The following DNER variants were observed in gnomAD, a reference collection of about 807,000 sequenced individuals.
DNER encodes delta and Notch-like epidermal growth factor-related receptor.
DNER carries 33 observed loss-of-function variants against 78.2 expected under a neutral mutation model. That is an observed-to-expected ratio of 0.42 (90% CI 0.32 to 0.56). The LOEUF (loss-of-function observed/expected upper bound fraction) is 0.56. DNER is among the 20% of genes least tolerant of loss of function. DNER has a pLI of 0.11. For synonymous variants in DNER, 417 were observed against 384.8 expected, an observed-to-expected ratio of 1.08 and a Z score of -0.98; for missense variants, 918 against 975.3, an observed-to-expected ratio of 0.94 and a Z score of 0.78.
At chr2:229,605,056 A>AT (rs945032200) in intron 1 of DNER, among the ~76,000 whole-genome samples, 26 of 151,626 alleles carry the variant, frequency 1.7e-4, no homozygotes, top group African/African-American at 5.1e-4. Flanking sequence ...GGGTTGTTTT[A>AT]TTTTTTTTTC....
At chr2:229,396,597 A>G (rs2106339683) in intron 10 of DNER, among the ~76,000 whole-genome samples, 1 of 152,334 alleles carries the variant, frequency 6.6e-6, no homozygotes, top group Middle Eastern at 3.4e-3. Flanking sequence ...GGTAAAAGTT[A>G]CCAATGGAAC....
At chr2:229,378,513 G>C (rs1692660199) in intron 11 of DNER, among the ~76,000 whole-genome samples, 1 of 152,184 alleles carries the variant, frequency 6.6e-6, no homozygotes, top group Admixed American at 6.5e-5. Flanking sequence ...AGGAAGACAG[G>C]CAAGCAATGT....
At chr2:229,428,196 AT>A (rs200843509) in intron 8 of DNER, among the ~76,000 whole-genome samples, 9,859 of 151,954 alleles carry the variant, frequency 0.065, 1,079 homozygotes, top group African/African-American at 0.23. Context: ...TTTCAGAGAG[AT>A]TGCTCCAGCT....
intron 4 of DNER, among the ~76,000 whole-genome samples, chr2:229,563,932 T>C (rs879839637): frequency 0.082 from 2,684 of 32,686 alleles, no homozygotes; most frequent in Middle Eastern, 0.13. Context: ...CCATCACCAT[T>C]ATCATCATCC....
intron 1 of DNER, among the ~76,000 whole-genome samples, chr2:229,609,929 G>T (rs941143369): frequency 6.6e-6 from 1 of 152,142 alleles, no homozygotes; most frequent in African/African-American, 2.4e-5. Flanking sequence ...CAGCCCATTG[G>T]CTAGAAATAT....
intron 4 of DNER, among the ~76,000 whole-genome samples, chr2:229,563,877 C>A (rs553041566): frequency 6.0e-5 from 9 of 149,986 alleles, no homozygotes; most frequent in Admixed American, 6.0e-4. Context: ...ACCCCTTCAC[C>A]ATCATCGTCA....
intron 8 of DNER, among the ~76,000 whole-genome samples, chr2:229,429,096 C>T (rs987109066): frequency 4.6e-5 from 7 of 152,064 alleles, no homozygotes; most frequent in African/African-American, 1.7e-4. Flanking sequence ...TGAGCACTGC[C>T]CTTGGAGGGT....
intron 1 of DNER, among the ~76,000 whole-genome samples, chr2:229,597,818 A>C (rs1257556961): frequency 6.6e-6 from 1 of 152,150 alleles, no homozygotes; most frequent in Non-Finnish European, 1.5e-5. Flanking sequence ...CTAACCTGAA[A>C]CTATTTTCCA....
At chr2:229,639,695 G>A (rs1050451476) in intron 1 of DNER, among the ~76,000 whole-genome samples, 8 of 152,124 alleles carry the variant, frequency 5.3e-5, no homozygotes, top group African/African-American at 1.9e-4. Context: ...AAATAGCTAA[G>A]AGCAATGCTC....
At chr2:229,659,494 G>A (rs570383016) in intron 1 of DNER, among the ~76,000 whole-genome samples, 6 of 152,086 alleles carry the variant, frequency 3.9e-5, no homozygotes, top group East Asian at 3.9e-4. Flanking sequence ...ACCTGGACCC[G>A]GGCAGACAAA....
chr2:229,626,537 T>C (rs950315068), intron 1 of DNER, among the ~76,000 whole-genome samples: 2 of 152,230 alleles, frequency 1.3e-5, no homozygotes, highest in Non-Finnish European at 2.9e-5. Context: ...AGAATCAATG[T>C]TCCTTTCATT....
chr2:229,409,991 A>T (rs1693474064), intron 9 of DNER, among the ~76,000 whole-genome samples: 1 of 152,040 alleles, frequency 6.6e-6, no homozygotes, highest in Admixed American at 6.6e-5. Flanking sequence ...ATCCACTCAA[A>T]CCCTCCTCCT....
intron 1 of DNER, among the ~76,000 whole-genome samples, chr2:229,634,602 AT>A (rs1479332016): frequency 6.6e-6 from 1 of 152,210 alleles, no homozygotes; most frequent in African/African-American, 2.4e-5. Context: ...TGAACTTATA[AT>A]GTAAGGCTCA....
chr2:229,486,566 C>A (rs1695279894), intron 6 of DNER, among the ~76,000 whole-genome samples: 1 of 152,132 alleles, frequency 6.6e-6, no homozygotes, highest in Admixed American at 6.5e-5. Context: ...CTTTTACCTT[C>A]ATTTCCCTCA....
intron 5 of DNER, among the ~76,000 whole-genome samples, chr2:229,533,617 G>A (rs10175042): frequency 0.026 from 3,886 of 152,230 alleles, 168 homozygotes; most frequent in African/African-American, 0.089. Flanking sequence ...TGCTCCACAC[G>A]GGAAGCACTA....
At chr2:229,601,578 G>A (rs976325992) in intron 1 of DNER, among the ~76,000 whole-genome samples, 6 of 152,164 alleles carry the variant, frequency 3.9e-5, no homozygotes, top group Non-Finnish European at 7.4e-5. Flanking sequence ...CCTCAATTCT[G>A]AGTCAGCTTT....
intron 7 of DNER, among the ~76,000 whole-genome samples, chr2:229,461,531 C>T (rs1053036030): frequency 3.3e-5 from 5 of 151,820 alleles, no homozygotes; most frequent in Admixed American, 1.3e-4. Flanking sequence ...ACACATTTAA[C>T]CTCCAAAATA....
At chr2:229,671,631 T>C (rs533284489) in intron 1 of DNER, among the ~76,000 whole-genome samples, 35 of 152,316 alleles carry the variant, frequency 2.3e-4, no homozygotes, top group Non-Finnish European at 3.8e-4. Context: ...ATATTGGTGC[T>C]CCATAAATAT....
chr2:229,524,497 A>T (rs1245362154), intron 5 of DNER, among the ~76,000 whole-genome samples: 7 of 152,206 alleles, frequency 4.6e-5, no homozygotes, highest in African/African-American at 1.7e-4. Context: ...TGTATTCATG[A>T]CCCAGGATGG....
Sources: gnomAD v4.1 joint callset for allele counts (sites outside exome capture counted in the v4.1 genomes callset) on GRCh38, gnomAD v4.1.1 for gene constraint, MANE v1.5 for transcripts, NCBI Gene and HGNC (gene_info 2026-07-23, HGNC 2026-07-21) for gene names.